Variants in DCDC1 observed in about 807,000 individuals in gnomAD.
The protein encoded by DCDC1 is doublecortin domain-containing protein 1.
Under a neutral mutation model 178.3 loss-of-function variants are expected in DCDC1, and 200 were observed. That is an observed-to-expected ratio of 1.12 (90% CI 1.00 to 1.26). The LOEUF (loss-of-function observed/expected upper bound fraction) is 1.26. Among genes scored for constraint, DCDC1 ranks in the 50% most tolerant of loss-of-function variants. DCDC1 has a pLI of 0.00. For synonymous variants in DCDC1, 690 were observed against 604.8 expected, an observed-to-expected ratio of 1.14 and a Z score of -2.07; for missense variants, 1,983 against 1,749.2, an observed-to-expected ratio of 1.13 and a Z score of -2.38.
intron 8 of DCDC1, among the ~76,000 whole-genome samples, chr11:31,255,237 C>T (rs1401004865): frequency 6.6e-6 from 1 of 152,110 alleles, no homozygotes; most frequent in African/African-American, 2.4e-5. Context: ...TTGGCTATTA[C>T]GTATAGTGTT....
At chr11:31,102,080 A>G (rs77370018) in intron 15 of DCDC1, 97 bp downstream of exon 15, 1 of 403,734 alleles carries the variant, frequency 2.5e-6, no homozygotes. Flanking sequence ...CCATCTCAGA[A>G]AAAAAAAAAA....
chr11:30,962,675 T>C (rs1174832318), intron 20 of DCDC1, among the ~76,000 whole-genome samples: 2 of 152,050 alleles, frequency 1.3e-5, no homozygotes, highest in African/African-American at 2.4e-5. Flanking sequence ...GAAAAATAAA[T>C]GGATATACAA....
intron 17 of DCDC1, among the ~76,000 whole-genome samples, chr11:31,086,958 G>A (rs1266861688): frequency 3.3e-5 from 5 of 152,052 alleles, no homozygotes; most frequent in Non-Finnish European, 7.4e-5. Flanking sequence ...TGTAGAATTG[G>A]TATTATTTTT....
intron 7 of DCDC1, among the ~76,000 whole-genome samples, chr11:31,273,507 T>G (rs2137193516): frequency 6.6e-6 from 1 of 152,208 alleles, no homozygotes; most frequent in East Asian, 1.9e-4. Context: ...GTTCCTTATC[T>G]CCATTTAAGA....
intron 11 of DCDC1, among the ~76,000 whole-genome samples, chr11:31,126,204 A>G (rs1961595104): frequency 6.6e-6 from 1 of 152,144 alleles, no homozygotes; most frequent in African/African-American, 2.4e-5. Flanking sequence ...TAGCAGCTGC[A>G]TCCTTCTAGA....
intron 11 of DCDC1, among the ~76,000 whole-genome samples, chr11:31,115,990 G>GT (rs997781405): frequency 7.7e-6 from 1 of 130,224 alleles, no homozygotes; most frequent in South Asian, 2.8e-4. Context: ...GTGGGGGGGG[G>GT]GGGGATGGGT....
At chr11:31,127,940 G>T (rs1000501205) in intron 10 of DCDC1, among the ~76,000 whole-genome samples, 1 of 151,988 alleles carries the variant, frequency 6.6e-6, no homozygotes, top group African/African-American at 2.4e-5. Context: ...GTTTGCAAAG[G>T]ACTTTTAAAC....
chr11:31,337,459 GGGAGTT>G (rs1432188218), intron 1 of DCDC1, among the ~76,000 whole-genome samples: 2 of 152,170 alleles, frequency 1.3e-5, no homozygotes, highest in Non-Finnish European at 2.9e-5. Flanking sequence ...GCTTGAGTCC[GGGAGTT>G]TGAGACCAGT....
chr11:31,352,466 T>G (rs1428884717), intron 1 of DCDC1, among the ~76,000 whole-genome samples: 1 of 152,170 alleles, frequency 6.6e-6, no homozygotes, highest in Non-Finnish European at 1.5e-5. Flanking sequence ...GAGCTCACAG[T>G]TTGATACTTA....
rs894262328 is a variant in DCDC1 at position 31,180,419 on chromosome 11, G to A, written c.1222-42635C>T. 2.0e-4 allele frequency among the ~76,000 whole-genome samples: 30 copies of A among 152,298 alleles called. 1 individual carries two copies. The highest frequency in any genetic ancestry group is 1.2e-3 in the East Asian group (6 of 5,176). On this transcript the variant is annotated intron_variant, in intron 9 of 38. Transcript: ENST00000684477. ...AAATTGGGGGGCTGGCAAGATGGCC[G>A]AATAGGAACAGCTCCGGTCTGCAGC...
intron 20 of DCDC1, among the ~76,000 whole-genome samples, chr11:31,035,267 A>T (rs562840334): frequency 1.3e-5 from 2 of 152,296 alleles, no homozygotes; most frequent in South Asian, 4.1e-4. Flanking sequence ...CATTGGTGTG[A>T]CAGTATTAGC....
chr11:31,166,172 A>G (rs549985606), intron 9 of DCDC1, among the ~76,000 whole-genome samples: 1 of 152,332 alleles, frequency 6.6e-6, no homozygotes, highest in South Asian at 2.1e-4. Context: ...TTTATGACTA[A>G]ATATTCAAGC....
intron 15 of DCDC1, 110 bp from the exon 16 acceptor site, chr11:31,094,294 A>C (rs1958002869): frequency 1.6e-6 from 1 of 644,144 alleles, no homozygotes; most frequent in African/African-American, 1.8e-5. Flanking sequence ...TCTGATTGAT[A>C]CCTCTTTTCA....
At chr11:30,940,139 A>G (rs1392430561) in intron 21 of DCDC1, among the ~76,000 whole-genome samples, 1 of 152,192 alleles carries the variant, frequency 6.6e-6, no homozygotes, top group African/African-American at 2.4e-5. Flanking sequence ...ATTATCCCAT[A>G]GAACTTATGT....
chr11:31,346,518 A>AATATT (rs1950826399), intron 1 of DCDC1, among the ~76,000 whole-genome samples: 1 of 152,086 alleles, frequency 6.6e-6, no homozygotes, highest in Admixed American at 6.5e-5. Context: ...GCAATGCATA[A>AATATT]ATATTATTTA....
chr11:31,218,354 T>A (rs771252625), intron 9 of DCDC1, among the ~76,000 whole-genome samples: 2 of 152,116 alleles, frequency 1.3e-5, no homozygotes, highest in Non-Finnish European at 2.9e-5. Flanking sequence ...GAATAAATGT[T>A]TATAGGGAAA....
At chr11:31,358,114 G>C (rs1398960847) in intron 1 of DCDC1, among the ~76,000 whole-genome samples, 1 of 150,342 alleles carries the variant, frequency 6.7e-6, no homozygotes, top group Non-Finnish European at 1.5e-5. Context: ...AACCAAAAAA[G>C]AGCCCGCATC....
chr11:31,254,371 C>A (rs1336628220), intron 8 of DCDC1, among the ~76,000 whole-genome samples: 3 of 151,906 alleles, frequency 2.0e-5, no homozygotes, highest in African/African-American at 7.3e-5. Flanking sequence ...ATGTGAAAAT[C>A]GAGAATGTGC....
intron 10 of DCDC1, among the ~76,000 whole-genome samples, 190 bp downstream of exon 10, chr11:31,137,502 A>C (rs1963291805): frequency 6.6e-6 from 1 of 151,960 alleles, no homozygotes; most frequent in South Asian, 2.1e-4. Context: ...GGCGCCCGCC[A>C]CCACGCCCAG....
Sources: allele counts gnomAD v4.1 joint callset (sites outside exome capture counted in the v4.1 genomes callset), GRCh38; gene constraint gnomAD v4.1.1; transcripts MANE v1.5; gene names NCBI Gene and HGNC (gene_info 2026-07-23, HGNC 2026-07-21).